NELL1: variants seen among roughly 807,000 people sequenced by gnomAD.
NELL1 encodes the protein protein kinase C-binding protein NELL1.
In NELL1, 76 loss-of-function variants were observed where a neutral mutation model predicts 107.4. The ratio of observed to expected loss-of-function variants is 0.71; its 90% CI spans 0.59 to 0.86. The LOEUF is 0.86. NELL1 is among the 40% of genes least tolerant of loss of function. The pLI is 0.00. For missense variants in NELL1, 1,024 were observed against 1,005.5 expected (o/e 1.02, Z -0.25); for synonymous variants, 353 against 341.2 (o/e 1.03, Z -0.38).
At chr11:21,551,657 G>T (rs1856588368) in intron 16 of NELL1, among the ~76,000 whole-genome samples, 1 of 151,622 alleles carries the variant, frequency 6.6e-6, no homozygotes, top group African/African-American at 2.4e-5. Flanking sequence ...GAAAGGATGT[G>T]GAGAAATAGG....
chr11:21,013,759 C>A (rs1852503488), intron 12 of NELL1, among the ~76,000 whole-genome samples: 1 of 152,086 alleles, frequency 6.6e-6, no homozygotes, highest in Non-Finnish European at 1.5e-5. Flanking sequence ...AAAGTCTATA[C>A]CTTTATTCAG....
chr11:21,319,192 T>A (rs1849947727), intron 14 of NELL1, among the ~76,000 whole-genome samples: 1 of 151,486 alleles, frequency 6.6e-6, no homozygotes, highest in East Asian at 1.9e-4. Context: ...TTTTGTGTTT[T>A]TGAGACAGAG....
intron 12 of NELL1, among the ~76,000 whole-genome samples, chr11:20,989,954 G>A (rs9804482): frequency 0.22 from 32,830 of 149,196 alleles, 3,858 homozygotes; most frequent in Middle Eastern, 0.39. Flanking sequence ...CCGAGATCGC[G>A]CCACTGCACT....
chr11:20,900,174 C>T (rs1479591630), intron 5 of NELL1, among the ~76,000 whole-genome samples: 5 of 152,130 alleles, frequency 3.3e-5, no homozygotes, highest in African/African-American at 1.2e-4. Flanking sequence ...GCTGGTATGG[C>T]TCATCTCTGC....
chr11:21,470,996 ATT>A (rs1854166128), intron 15 of NELL1, among the ~76,000 whole-genome samples: 1 of 152,110 alleles, frequency 6.6e-6, no homozygotes, highest in African/African-American at 2.4e-5. Flanking sequence ...ACTTATAAAT[ATT>A]GTCATCAATC....
chr11:20,696,049 T>C (rs1358440767), intron 2 of NELL1, among the ~76,000 whole-genome samples: 2 of 152,164 alleles, frequency 1.3e-5, no homozygotes, highest in African/African-American at 4.8e-5. Flanking sequence ...TCTGGATAGA[T>C]TTTCTGGTTT....
chr11:21,464,509 C>T (rs1401159483), intron 15 of NELL1, among the ~76,000 whole-genome samples: 1 of 151,804 alleles, frequency 6.6e-6, no homozygotes, highest in Non-Finnish European at 1.5e-5. Flanking sequence ...AATGACATTA[C>T]TGAGTTTCAT....
At chr11:20,723,842 T>C (rs1301515096) in intron 2 of NELL1, among the ~76,000 whole-genome samples, 4 of 152,176 alleles carry the variant, frequency 2.6e-5, no homozygotes, top group Non-Finnish European at 4.4e-5. Flanking sequence ...GGTGTTTCCA[T>C]ATATCCTCTG....
At position 20,728,183 on chromosome 11, in the gene NELL1, T is replaced by C. The variant is rs374116797; in HGVS notation, c.184+50123T>C. ...TTTTTTGCCTGTTCAGTTGTTTAAG[T>C]TCCTAATAGATTCTGGATCTTAGAC... On this transcript the variant is annotated intron_variant, in intron 2 of 19. Transcript: ENST00000357134. Among the ~76,000 whole-genome samples, 129 of 152,300 alleles carry C rather than the reference T, an allele frequency of 8.5e-4. 5 individuals are homozygous for C. In the South Asian group the frequency reaches 0.026, roughly 31 times the overall value.
At chr11:21,412,643 A>G (rs1452800807) in intron 15 of NELL1, among the ~76,000 whole-genome samples, 2 of 152,264 alleles carry the variant, frequency 1.3e-5, no homozygotes, top group Non-Finnish European at 2.9e-5. Flanking sequence ...AACATGAAGT[A>G]TCAGGAAGAA....
At chr11:21,439,200 G>C (rs1326957202) in intron 15 of NELL1, among the ~76,000 whole-genome samples, 1 of 152,062 alleles carries the variant, frequency 6.6e-6, no homozygotes, top group Admixed American at 6.6e-5. Flanking sequence ...CTAGGACACA[G>C]AAACAGAAAG....
At chr11:21,123,613 T>C (rs959514726) in intron 13 of NELL1, among the ~76,000 whole-genome samples, 1 of 152,144 alleles carries the variant, frequency 6.6e-6, no homozygotes, top group African/African-American at 2.4e-5. Context: ...ATATCACTGA[T>C]GAGAATGTAA....
chr11:20,715,199 C>T (rs1207347673), intron 2 of NELL1, among the ~76,000 whole-genome samples: 3 of 151,594 alleles, frequency 2.0e-5, no homozygotes, highest in Non-Finnish European at 2.9e-5. Flanking sequence ...GAGTTGACAT[C>T]GCGCCATTGC....
intron 14 of NELL1, among the ~76,000 whole-genome samples, chr11:21,370,014 C>T (rs1232723057): frequency 6.6e-6 from 1 of 152,036 alleles, no homozygotes; most frequent in African/African-American, 2.4e-5. Flanking sequence ...ATGGGTCTTA[C>T]AGTTCAGTTG....
chr11:21,236,611 T>A (rs181489166), intron 14 of NELL1, among the ~76,000 whole-genome samples: 1 of 152,302 alleles, frequency 6.6e-6, no homozygotes, highest in African/African-American at 2.4e-5. Context: ...AGACACTAAA[T>A]ATAGTTATAC....
chr11:21,542,377 T>A (rs561293063), intron 16 of NELL1, among the ~76,000 whole-genome samples: 1 of 151,934 alleles, frequency 6.6e-6, no homozygotes, highest in Non-Finnish European at 1.5e-5. Flanking sequence ...GTAGAGGAGA[T>A]GTTAGCCAGA....
At chr11:21,025,588 G>T (rs78564874) in intron 12 of NELL1, among the ~76,000 whole-genome samples, 9,397 of 151,800 alleles carry the variant, frequency 0.062, 394 homozygotes, top group South Asian at 0.11. Flanking sequence ...CTCCTCACTT[G>T]CCTGAGTTCT....
chr11:21,499,215 TC>T (rs1414377171), intron 15 of NELL1, among the ~76,000 whole-genome samples: 1 of 151,440 alleles, frequency 6.6e-6, no homozygotes, highest in Non-Finnish European at 1.5e-5. Flanking sequence ...GTTATTAAAC[TC>T]TGTAATACAT....
In NELL1 at chr11:20,783,705, T is replaced by A. The variant is rs759467854; in HGVS notation, c.210T>A (p.Ala70=). ...ACATAGAAAGAGAGATCCATGCAGC[T>A]CCTCATGTGAGTGAGAAATTAATTC... is the stretch of plus-strand genomic sequence containing the variant. ...FQDIEREIHA[A]PHVSEKLIQL... Residue 70 remains alanine (A), a synonymous_variant, in exon 3 of 20, where the codon GCT becomes GCA. Coordinates refer to ENST00000357134, the MANE Select transcript of NELL1 (RefSeq NM_006157.5). 1.2e-6 allele frequency: 2 copies of A among 1,613,774 alleles called. No individual in the cohort carries two copies. The highest frequency in any genetic ancestry group is 3.3e-5 in the Admixed American group (2 of 59,986).
Sources: allele counts gnomAD v4.1 joint callset (sites outside exome capture counted in the v4.1 genomes callset), GRCh38; gene constraint gnomAD v4.1.1; transcripts MANE v1.5; gene names NCBI Gene and HGNC (gene_info 2026-07-23, HGNC 2026-07-21).